EPHA4: variants seen among roughly 807,000 people sequenced by gnomAD.
The protein encoded by EPHA4 is ephrin type-A receptor 4.
EPHA4 carries 19 observed loss-of-function variants against 108.3 expected under a neutral mutation model. The observed-to-expected ratio is 0.18, with a 90% CI of 0.12 to 0.26. The LOEUF is 0.26. Ranked by LOEUF, EPHA4 falls within the 10% of genes least tolerant of loss-of-function variation. The pLI is 1.00. For missense variants in EPHA4, 917 were observed against 1,254.0 expected, an observed-to-expected ratio of 0.73 and a Z score of 4.06; for synonymous variants, 449 against 455.5, an observed-to-expected ratio of 0.99 and a Z score of 0.18.
At chr2:221,429,913 C>G (rs746643824) in intron 15 of EPHA4, 45 bp downstream of exon 15, 2 of 1,605,746 alleles carry the variant, frequency 1.2e-6, no homozygotes, top group African/African-American at 1.3e-5. Flanking sequence ...CCTGCCTCCT[C>G]TAATGTGTTC....
chr2:221,570,326 C>CCCA (rs1553596746), intron 1 of EPHA4, among the ~76,000 whole-genome samples: 3 of 103,124 alleles, frequency 2.9e-5, no homozygotes, highest in Non-Finnish European at 6.4e-5. Context: ...CCCCCCCCCC[C>CCCA]AAAAAAAGAG....
At chr2:221,422,466 C>T (rs112904044) in intron 17 of EPHA4, among the ~76,000 whole-genome samples, 28 of 152,334 alleles carry the variant, frequency 1.8e-4, no homozygotes, top group African/African-American at 6.7e-4. Flanking sequence ...CTCCACTTAA[C>T]ATCTGGATAT....
chr2:221,572,362 G>A (rs1574672229), upstream of EPHA4: 8 of 919,490 alleles, frequency 8.7e-6, no homozygotes, highest in East Asian at 2.1e-4. Flanking sequence ...GGCCGGTGAC[G>A]TGAGCCCGCC....
chr2:221,477,546 C>T (rs1221661250), intron 5 of EPHA4, among the ~76,000 whole-genome samples: 1 of 152,146 alleles, frequency 6.6e-6, no homozygotes, highest in African/African-American at 2.4e-5. Flanking sequence ...AAACATTGCC[C>T]ATTAGGGGTA....
At chr2:221,499,738 ATATATATATATATATATATTTT>A (rs1202242701) in intron 4 of EPHA4, among the ~76,000 whole-genome samples, 3 of 52,068 alleles carry the variant, frequency 5.8e-5, no homozygotes, top group South Asian at 6.9e-4. Context: ...ATATATATAT[ATATATATATATATATATATTTT>A]TTTTTTTTTT....
At chr2:221,539,846 G>C (rs540195035) in intron 3 of EPHA4, among the ~76,000 whole-genome samples, 4 of 152,282 alleles carry the variant, frequency 2.6e-5, no homozygotes, top group African/African-American at 9.6e-5. Flanking sequence ...GCAGATAGAA[G>C]AAGAAAGATG....
At chr2:221,564,427 A>G in intron 2 of EPHA4, 33 bp from the exon 3 acceptor site, 1 of 1,577,000 alleles carries the variant, frequency 6.3e-7, no homozygotes, top group East Asian at 2.3e-5. Context: ...TATCAACTAC[A>G]AAGTTTCATC....
chr2:221,501,147 A>G lies in EPHA4; in HGVS notation c.849T>C (p.Ala283=), dbSNP rs1298886381. 5.0e-6 allele frequency: 8 copies of G among 1,606,516 alleles called. No homozygotes were observed. Among genetic ancestry groups the G allele is most frequent in the Non-Finnish European group, 8.5e-7 (1 of 1,177,408 alleles). ...CQACKIGYYK[A]LSTDATCAKC... ...TGGCACAGGTGGCATCCGTGGAGAG[A>G]GCCTTGTAATATCCAATTTTGCAAG... Residue 283 remains alanine (A), a synonymous_variant, in exon 4 of 18, where the codon GCT becomes GCC. Transcript: ENST00000281821.
At chr2:221,461,455 CAA>C (rs35234632) in intron 5 of EPHA4, among the ~76,000 whole-genome samples, 99,013 of 151,702 alleles carry the variant, frequency 0.65, 33,916 homozygotes, top group East Asian at 0.79. Context: ...TGCCTAAGTT[CAA>C]AAGAGAGTTT....
At chr2:221,531,599 GCTGATT>G (rs1413118094) in intron 3 of EPHA4, among the ~76,000 whole-genome samples, 1 of 151,904 alleles carries the variant, frequency 6.6e-6, no homozygotes, top group Non-Finnish European at 1.5e-5. Context: ...TCATCTCAGG[GCTGATT>G]CTAGATGATA....
intron 5 of EPHA4, among the ~76,000 whole-genome samples, chr2:221,469,877 G>A (rs1305993552): frequency 1.3e-5 from 2 of 152,110 alleles, no homozygotes; most frequent in African/African-American, 4.8e-5. Context: ...TGTTGGAATG[G>A]GATACCTAGT....
intron 5 of EPHA4, among the ~76,000 whole-genome samples, chr2:221,481,713 T>G (rs1691825340): frequency 6.6e-6 from 1 of 152,154 alleles, no homozygotes; most frequent in African/African-American, 2.4e-5. Context: ...GTAAACTTCG[T>G]TAACTATAGA....
At chr2:221,515,053 T>G (rs1413938588) in intron 3 of EPHA4, among the ~76,000 whole-genome samples, 2 of 152,328 alleles carry the variant, frequency 1.3e-5, no homozygotes, top group South Asian at 4.1e-4. Context: ...CATGGGAAGT[T>G]GAAAACCTTT....
At chr2:221,556,759 G>T (rs1694316814) in intron 3 of EPHA4, among the ~76,000 whole-genome samples, 1 of 152,098 alleles carries the variant, frequency 6.6e-6, no homozygotes, top group South Asian at 2.1e-4. Flanking sequence ...TAGAAAAAAC[G>T]ATAGAGAGAG....
intron 11 of EPHA4, among the ~76,000 whole-genome samples, chr2:221,437,965 A>C (rs137968409): frequency 5.9e-5 from 9 of 152,120 alleles, no homozygotes; most frequent in Middle Eastern, 3.4e-3. Flanking sequence ...ACTTCTCTCC[A>C]CTGTCTTGCT....
intron 3 of EPHA4, among the ~76,000 whole-genome samples, chr2:221,537,022 C>A (rs1374916334): frequency 6.6e-6 from 1 of 152,172 alleles, no homozygotes; most frequent in Non-Finnish European, 1.5e-5. Context: ...AAGGCTAAAA[C>A]AAAGAGAGAG....
At chr2:221,522,681 T>G (rs969017507) in intron 3 of EPHA4, among the ~76,000 whole-genome samples, 6 of 152,146 alleles carry the variant, frequency 3.9e-5, no homozygotes, top group African/African-American at 1.4e-4. Flanking sequence ...ATTATGTTCT[T>G]GATATGTCAA....
intron 8 of EPHA4, among the ~76,000 whole-genome samples, chr2:221,447,955 C>T (rs1690646404): frequency 6.6e-6 from 1 of 152,002 alleles, no homozygotes; most frequent in African/African-American, 2.4e-5. Context: ...GATCCTCCTG[C>T]CTCAGCCTCC....
At chr2:221,499,805 T>G (rs1412807500) in intron 4 of EPHA4, among the ~76,000 whole-genome samples, 2 of 130,372 alleles carry the variant, frequency 1.5e-5, no homozygotes, top group Non-Finnish European at 3.1e-5. Flanking sequence ...TCACCCAGGC[T>G]GGAATGTAAT....
Sources: allele counts gnomAD v4.1 joint callset (sites outside exome capture counted in the v4.1 genomes callset), GRCh38; gene constraint gnomAD v4.1.1; transcripts MANE v1.5; gene names NCBI Gene and HGNC (gene_info 2026-07-23, HGNC 2026-07-21).